Variants in ZNF844 observed in about 807,000 individuals in gnomAD.
ZNF844 encodes zinc finger protein 844.
Under a neutral mutation model 11.4 loss-of-function variants are expected in ZNF844, and 11 were observed. The ratio of observed to expected loss-of-function variants is 0.97; its 90% CI spans 0.61 to 1.60. The LOEUF (loss-of-function observed/expected upper bound fraction) is 1.60, where lower values mean the gene tolerates loss of function less well. ZNF844 is among the 40% of genes most tolerant of loss of function. The pLI is 0.00. For synonymous variants in ZNF844, 248 were observed against 260.3 expected, an observed-to-expected ratio of 0.95 and a Z score of 0.46; for missense variants, 790 against 796.8, an observed-to-expected ratio of 0.99 and a Z score of 0.10.
At position 12,080,161 on chromosome 19, in the gene ZNF844, A is replaced by T. The variant is rs1338762315; in HGVS notation, c.*3040A>T. 1 of 184,712 alleles carries T rather than the reference A, an allele frequency of 5.4e-6. No individual in the cohort carries two copies. Among genetic ancestry groups the T allele is most frequent in the African/African-American group, 2.4e-5 (1 of 41,652 alleles). 11.4% of individuals were successfully genotyped at this position (184,712 alleles called of 1,614,324 possible). ...CAGGAGATCAAGACCATCCTGGCTGACACGGTGAAACCCCGTCTCTACTAA... is the reference window on the plus strand; with the variant it reads ...CAGGAGATCAAGACCATCCTGGCTGTCACGGTGAAACCCCGTCTCTACTAA... On this transcript the variant is annotated 3_prime_UTR_variant, in exon 4 of 4. Coordinates refer to ENST00000439326, the MANE Select transcript of ZNF844 (RefSeq NM_001136501.3).
intron 1 of ZNF844, among the ~76,000 whole-genome samples, chr19:12,071,657 A>G (rs1975753667): frequency 1.3e-5 from 2 of 150,490 alleles, no homozygotes; most frequent in Admixed American, 1.3e-4. Context: ...TCTTGCAGGA[A>G]TGTCATTCAG....
rs767143459 is a variant in ZNF844 at position 12,075,483 on chromosome 19, C to T, written c.363C>T (p.His121=). Residue 121 remains histidine, a synonymous_variant, in exon 4 of 4, where the codon CAC becomes CAT. Transcript: ENST00000439326. ...VFVGHSSLNR[H]IRADTAHKPS... is the part of the protein sequence containing the mutation. Reference sequence around the variant, plus strand: ...TGGGTCATTCTTCCCTTAATAGGCACATTAGAGCTGACACTGCACACAAGC... The same window carrying T: ...TGGGTCATTCTTCCCTTAATAGGCATATTAGAGCTGACACTGCACACAAGC... The T allele has an allele frequency of 6.2e-7, 1 of 1,613,446 alleles. No individual in the cohort carries two copies. Among genetic ancestry groups the T allele is most frequent in the Non-Finnish European group, 8.5e-7 (1 of 1,179,802 alleles).
Position 12,064,883 on chromosome 19 carries a change from G to C in ZNF844, c.3+7G>C, listed in dbSNP as rs1975670588. ...ACCTGAAAGCCAGGAAATGGTGAGTGTGAGCCCCCGCTGGGAGTCCCGAGA... is the reference window on the plus strand; with the variant it reads ...ACCTGAAAGCCAGGAAATGGTGAGTCTGAGCCCCCGCTGGGAGTCCCGAGA... On this transcript the variant is annotated splice_region_variant and intron_variant, in intron 1 of 3. Transcript: ENST00000439326. 3 of 1,549,452 alleles carry C rather than the reference G, an allele frequency of 1.9e-6. No homozygotes were observed. The highest frequency in any genetic ancestry group is 2.6e-6 in the Non-Finnish European group (3 of 1,146,416).
At chr19:12,071,230 A>C (rs943162143) in intron 1 of ZNF844, among the ~76,000 whole-genome samples, 3 of 152,206 alleles carry the variant, frequency 2.0e-5, no homozygotes, top group Non-Finnish European at 4.4e-5. Context: ...AAACTGCTGC[A>C]GTATTTTAAT....
At position 12,075,595 on chromosome 19, in the gene ZNF844, C is replaced by A. The variant is rs1220209925; in HGVS notation, c.475C>A (p.Gln159Lys). ...AFRCHPSFQM[Q>K]EKAHTGEKLY... ...CAGATGTCACCCCTCCTTTCAAATG[C>A]AAGAAAAGGCTCACACTGGAGAAAA... The change falls in exon 4 of 4, where the codon CAA (glutamine) becomes AAA (lysine). Residue 159 changes from glutamine (Q) to lysine (K), a missense_variant. Physicochemically the swap from Gln to Lys is moderately conservative, Grantham distance 53. Around this residue, in one of 3 missense-constraint regions of ZNF844, gnomAD observed 657 missense variants for 636.2 expected, o/e 1.03. Transcript: ENST00000439326. 3.7e-6 allele frequency: 6 copies of A among 1,613,754 alleles called. No homozygotes were observed. In the East Asian group the frequency reaches 8.9e-5, roughly 24 times the overall value.
chr19:12,069,831 T>G lies in ZNF844; in HGVS notation c.4-4200T>G, dbSNP rs914025814. On this transcript the variant is annotated intron_variant, in intron 1 of 3. Transcript: ENST00000439326. ...TTAGCCAGGCGTGGTGGCACGTGCC[T>G]GTAGTCCCAGCTACTCAGGAGGCTG... Among the ~76,000 whole-genome samples the G allele has an allele frequency of 2.6e-5, 4 of 151,620 alleles. No individual in the cohort carries two copies. The East Asian group carries it at 7.8e-4, about 30-fold the overall frequency.
Position 12,064,751 on chromosome 19 carries a change from G to T in ZNF844, c.-123G>T, listed in dbSNP as rs1975668258. The T allele has an allele frequency of 9.7e-6, 10 of 1,035,904 alleles. No individual in the cohort carries two copies. The highest frequency in any genetic ancestry group is 3.3e-5 in the African/African-American group (2 of 60,676). 64.2% of individuals were successfully genotyped at this position (1,035,904 alleles called of 1,614,324 possible). ...GCCTCAGTCTTTGGCCCCTCCCGCC[G>T]GGTGAGGTTGGCACCCCGTTTTTCC... On this transcript the variant is annotated 5_prime_UTR_variant, in exon 1 of 4. Coordinates refer to ENST00000439326, the MANE Select transcript of ZNF844 (RefSeq NM_001136501.3).
Position 12,071,696 on chromosome 19 carries a change from G to GTT in ZNF844, c.4-2320_4-2319dup, listed in dbSNP as rs562646552. 1.5e-3 allele frequency among the ~76,000 whole-genome samples: 208 copies of GTT among 136,100 alleles called. 2 individuals carry two copies. The highest frequency in any genetic ancestry group is 3.9e-3 in the African/African-American group (147 of 37,650). 89.3% of individuals were successfully genotyped at this position (136,100 alleles called of 152,430 possible). A position where few individuals can be genotyped will look rare whatever the true frequency, so the allele number is the denominator to read the frequency against. Reference sequence around the variant, plus strand: ...CTTTCCCTATCTTTCAATCAATTAGGTTTTTTTTTTTTTTTTACTTGGTAC... The same window carrying GTT: ...CTTTCCCTATCTTTCAATCAATTAGGTTTTTTTTTTTTTTTTTTACTTGGTAC... On this transcript the variant is annotated intron_variant, in intron 1 of 3. Coordinates refer to ENST00000439326, the MANE Select transcript of ZNF844 (RefSeq NM_001136501.3).
rs144366694 is a variant in ZNF844 at position 12,073,446 on chromosome 19, G to A, written c.4-585G>A. ...CCTGGGATTACAGGTGTGAGCCACC[G>A]CGCCCGGCCCACAGTACTGTTTTTC... is the stretch of plus-strand genomic sequence containing the variant. On this transcript the variant is annotated intron_variant, in intron 1 of 3. Coordinates refer to ENST00000439326, the MANE Select transcript of ZNF844 (RefSeq NM_001136501.3). Among the ~76,000 whole-genome samples the A allele has an allele frequency of 8.3e-4, 127 of 152,174 alleles. 3 individuals are homozygous for A. In the South Asian group the frequency reaches 0.011, roughly 13 times the overall value.
intron 1 of ZNF844, among the ~76,000 whole-genome samples, chr19:12,073,556 G>GT (rs566864108): frequency 0.019 from 2,743 of 143,202 alleles, 66 homozygotes; most frequent in African/African-American, 0.055. Context: ...GCAAAATCCA[G>GT]TTTTTTTTTT....
In ZNF844 at chr19:12,074,134, C is replaced by T. The variant is rs749521438; in HGVS notation, c.107C>T (p.Thr36Ile). 9 of 1,613,746 alleles carry T rather than the reference C, an allele frequency of 5.6e-6. No homozygotes were observed. Among genetic ancestry groups the T allele is most frequent in the South Asian group, 5.5e-5 (5 of 91,062 alleles). Residue 36 changes from threonine to isoleucine, a missense_variant, in exon 2 of 4, where the codon ACC becomes ATC. Thr to Ile is a moderately conservative substitution (Grantham distance 89, BLOSUM62 -1). Around this residue, in one of 3 missense-constraint regions of ZNF844, gnomAD observed 129 missense variants for 144.0 expected, o/e 0.90. Transcript: ENST00000439326. ...KNLYREVMQE[T>I]LRNLASIGEK... ...CTCTACAGAGAAGTGATGCAGGAAA[C>T]CTTGAGGAATCTGGCCTCCATAGGT...
intron 1 of ZNF844, among the ~76,000 whole-genome samples, chr19:12,067,932 GAAAGAAA>G (rs1196518743): frequency 3.2e-5 from 4 of 126,962 alleles, no homozygotes; most frequent in Non-Finnish European, 6.5e-5. Context: ...AAGAAAGAAA[GAAAGAAA>G]GAAAGAAGGA....
Position 12,077,276 on chromosome 19 carries a change from TCA to T in ZNF844, c.*159_*160del. ...CTGCCATTCGTAGACATGAAAGGACTCACACTGGAGAGAAACCCTATGAGTGT... is the reference window on the plus strand; with the variant it reads ...CTGCCATTCGTAGACATGAAAGGACTCACTGGAGAGAAACCCTATGAGTGT... On this transcript the variant is annotated 3_prime_UTR_variant, in exon 4 of 4. Transcript: ENST00000439326. 2 of 1,330,826 alleles carry T rather than the reference TCA, an allele frequency of 1.5e-6. No homozygotes were observed. The highest frequency in any genetic ancestry group is 2.2e-6 in the Non-Finnish European group (2 of 926,246). 82.4% of individuals were successfully genotyped at this position (1,330,826 alleles called of 1,614,324 possible).
chr19:12,065,113 C>T (rs917349857), intron 1 of ZNF844, among the ~76,000 whole-genome samples: 1 of 151,920 alleles, frequency 6.6e-6, no homozygotes. Flanking sequence ...CGACTGCGGC[C>T]CCAGCCCGGG....
At position 12,067,607 on chromosome 19, in the gene ZNF844, C is replaced by CAAAA. The variant is rs772282496; in HGVS notation, c.3+2755_3+2758dup. Among the ~76,000 whole-genome samples, 229 of 37,406 alleles carry CAAAA rather than the reference C, an allele frequency of 6.1e-3. 15 individuals carry two copies. Among genetic ancestry groups the CAAAA allele is most frequent in the African/African-American group, 0.011 (173 of 15,518 alleles). 24.5% of individuals were successfully genotyped at this position (37,406 alleles called of 152,430 possible). A position where few individuals can be genotyped will look rare whatever the true frequency, so the allele number is the denominator to read the frequency against. On this transcript the variant is annotated intron_variant, in intron 1 of 3. Coordinates refer to ENST00000439326, the MANE Select transcript of ZNF844 (RefSeq NM_001136501.3). The stretch of plus-strand genomic sequence containing the variant: ...GGGCAACAAGAGTGAAACTCTGTCT[C>CAAAA]AAAAAAAAAAAAAAAAAAAAAAAAA...
chr19:12,077,908 A>G lies in ZNF844; in HGVS notation c.*787A>G. ...CAGTGGCGTGATCTCAGCTCACTGC[A>G]AGCTCCACCTCCTGGGTTCACGCCA... is the stretch of plus-strand genomic sequence containing the variant. On this transcript the variant is annotated 3_prime_UTR_variant, in exon 4 of 4. Coordinates refer to ENST00000439326, the MANE Select transcript of ZNF844 (RefSeq NM_001136501.3). 1 of 211,840 alleles carries G rather than the reference A, an allele frequency of 4.7e-6. No homozygotes were observed. The highest frequency in any genetic ancestry group is 9.3e-6 in the Non-Finnish European group (1 of 107,442). 13.1% of individuals were successfully genotyped at this position (211,840 alleles called of 1,614,324 possible). A position where few individuals can be genotyped will look rare whatever the true frequency, so the allele number is the denominator to read the frequency against.
chr19:12,077,598 A>C lies in ZNF844; in HGVS notation c.*477A>C, dbSNP rs1975846062. ...CTTCAGATCTGCCACTCAACTTCAGATGCATAGAAAGATTCACACTGGCGA... is the reference window on the plus strand; with the variant it reads ...CTTCAGATCTGCCACTCAACTTCAGCTGCATAGAAAGATTCACACTGGCGA... On this transcript the variant is annotated 3_prime_UTR_variant, in exon 4 of 4. Transcript: ENST00000439326. The C allele has an allele frequency of 1.9e-5, 11 of 564,660 alleles. No homozygotes were observed. The highest frequency in any genetic ancestry group is 1.5e-4 in the South Asian group (11 of 71,812). 35.0% of individuals were successfully genotyped at this position (564,660 alleles called of 1,614,324 possible). A position where few individuals can be genotyped will look rare whatever the true frequency, so the allele number is the denominator to read the frequency against.
rs533437144 is a variant in ZNF844 at position 12,079,940 on chromosome 19, C to G, written c.*2819C>G. 4.2e-5 allele frequency: 6 copies of G among 142,254 alleles called. No individual in the cohort carries two copies. Among genetic ancestry groups the G allele is most frequent in the Admixed American group, 4.1e-4 (6 of 14,626 alleles). 8.8% of individuals were successfully genotyped at this position (142,254 alleles called of 1,614,324 possible). A position where few individuals can be genotyped will look rare whatever the true frequency, so the allele number is the denominator to read the frequency against. ...CAGCCTGGGCAACAAGAGTGAAACTCCATCTCAAAAAAAAAAAAAAAAAAA... is the reference window on the plus strand; with the variant it reads ...CAGCCTGGGCAACAAGAGTGAAACTGCATCTCAAAAAAAAAAAAAAAAAAA... On this transcript the variant is annotated 3_prime_UTR_variant, in exon 4 of 4. Coordinates refer to ENST00000439326, the MANE Select transcript of ZNF844 (RefSeq NM_001136501.3).
chr19:12,070,115 AG>A (rs1568358332), intron 1 of ZNF844: 1 of 150,396 alleles, frequency 6.6e-6, no homozygotes, highest in African/African-American at 2.5e-5. Context: ...AAAAAAAAAA[AG>A]ACAAAAATAA....
Sources: allele counts gnomAD v4.1 joint callset (sites outside exome capture counted in the v4.1 genomes callset), GRCh38; gene constraint gnomAD v4.1.1; regional missense constraint gnomAD v4.1.1; transcripts MANE v1.5; gene names NCBI Gene and HGNC (gene_info 2026-07-23, HGNC 2026-07-21).